The following INSR variants were observed in gnomAD, a reference collection of about 807,000 sequenced individuals.
INSR encodes insulin receptor.
A neutral mutation model predicts 142.6 loss-of-function variants in INSR; 67 were observed. That is an observed-to-expected ratio of 0.47 (90% confidence interval 0.39 to 0.58). The LOEUF is 0.58. INSR is among the 20% of genes least tolerant of loss of function. INSR has a pLI of 0.00. For missense variants in INSR, 1,248 were observed against 1,833.2 expected, an observed-to-expected ratio of 0.68 and a Z score of 5.83; for synonymous variants, 756 against 743.1, an observed-to-expected ratio of 1.02 and a Z score of -0.28.
intron 2 of INSR, among the ~76,000 whole-genome samples, chr19:7,218,992 G>C (rs558507229): frequency 1.3e-5 from 2 of 152,354 alleles, no homozygotes; most frequent in South Asian, 4.1e-4. Flanking sequence ...TCCCATGTCA[G>C]AGAAGTAGGT....
chr19:7,156,965 G>T (rs2144911002), intron 9 of INSR, among the ~76,000 whole-genome samples: 1 of 125,352 alleles, frequency 8.0e-6, no homozygotes, highest in South Asian at 3.0e-4. Flanking sequence ...CTAATTTTTT[G>T]TTTGTTTGTT....
At chr19:7,164,190 G>A (rs1973835449) in intron 8 of INSR, among the ~76,000 whole-genome samples, 1 of 147,178 alleles carries the variant, frequency 6.8e-6, no homozygotes, top group Non-Finnish European at 1.5e-5. Flanking sequence ...ATAATTCTTT[G>A]TCATGAAGGA....
At chr19:7,130,704 A>G (rs569070913) in intron 14 of INSR, among the ~76,000 whole-genome samples, 1 of 152,284 alleles carries the variant, frequency 6.6e-6, no homozygotes, top group East Asian at 1.9e-4. Flanking sequence ...TACTGCCTGC[A>G]GAACTGGGAG....
intron 13 of INSR, among the ~76,000 whole-genome samples, chr19:7,139,985 G>A (rs1188480498): frequency 6.6e-6 from 1 of 151,982 alleles, no homozygotes; most frequent in Non-Finnish European, 1.5e-5. Context: ...CCACCATTAC[G>A]TCCAGCTAAT....
intron 2 of INSR, among the ~76,000 whole-genome samples, chr19:7,232,004 C>T (rs904756232): frequency 6.6e-6 from 1 of 152,044 alleles, no homozygotes; most frequent in Non-Finnish European, 1.5e-5. Context: ...TCTCTACCCG[C>T]TTCTTCAATA....
At chr19:7,281,990 A>C (rs1300189139) in intron 1 of INSR, among the ~76,000 whole-genome samples, 1 of 152,212 alleles carries the variant, frequency 6.6e-6, no homozygotes, top group Non-Finnish European at 1.5e-5. Flanking sequence ...TTTGAACTCC[A>C]ACAGGAGCTT....
At chr19:7,228,972 T>C (rs539922499) in intron 2 of INSR, among the ~76,000 whole-genome samples, 27 of 105,298 alleles carry the variant, frequency 2.6e-4, no homozygotes, top group African/African-American at 9.4e-4. Context: ...GTTGGCAGAG[T>C]AGACAGAAGG....
At chr19:7,248,353 G>A (rs1449068312) in intron 2 of INSR, among the ~76,000 whole-genome samples, 1 of 148,064 alleles carries the variant, frequency 6.8e-6, no homozygotes, top group Non-Finnish European at 1.5e-5. Flanking sequence ...AGGCACGGTG[G>A]TTCATGCCTG....
chr19:7,287,565 A>C (rs1968376255), intron 1 of INSR, among the ~76,000 whole-genome samples: 1 of 152,200 alleles, frequency 6.6e-6, no homozygotes, highest in South Asian at 2.1e-4. Context: ...TACAGGGTTG[A>C]GAGCATGAAA....
At chr19:7,286,717 T>G (rs565584002) in intron 1 of INSR, among the ~76,000 whole-genome samples, 1 of 127,898 alleles carries the variant, frequency 7.8e-6, no homozygotes, top group Non-Finnish European at 1.7e-5. Context: ...GACTTCTGTG[T>G]TTTTTTTTTC....
chr19:7,282,641 C>A (rs1018147544), intron 1 of INSR, among the ~76,000 whole-genome samples: 1 of 151,610 alleles, frequency 6.6e-6, no homozygotes, highest in Non-Finnish European at 1.5e-5. Flanking sequence ...GAGATCGTGA[C>A]ACTGCATTCC....
intron 2 of INSR, among the ~76,000 whole-genome samples, chr19:7,205,564 A>G (rs549967184): frequency 6.6e-6 from 1 of 152,196 alleles, no homozygotes; most frequent in East Asian, 1.9e-4. Flanking sequence ...GAGAAATTCT[A>G]CATTGTCCAA....
At chr19:7,190,369 G>GTTTTTTTTTTTTTTTTTT in intron 2 of INSR, among the ~76,000 whole-genome samples, 1 of 102,714 alleles carries the variant, frequency 9.7e-6, no homozygotes, top group Non-Finnish European at 2.0e-5. Context: ...TTCTTTGGTG[G>GTTTTTTTTTTTTTTTTTT]TTTTTTTTTT....
At position 7,123,020 on chromosome 19, in the gene INSR, G is replaced by A. The variant is rs148813626; in HGVS notation, c.3259-31C>T. ...GAGCAAGCAACCAGGGTTCTTGGAGGAGGGTCCGTGATTCGACTCACCAGG... is the reference window on the plus strand; with the variant it reads ...GAGCAAGCAACCAGGGTTCTTGGAGAAGGGTCCGTGATTCGACTCACCAGG... On this transcript the variant is annotated intron_variant, in intron 17 of 21. Coordinates refer to ENST00000302850, the MANE Select transcript of INSR (RefSeq NM_000208.4). 0.01 allele frequency: 15,661 copies of A among 1,505,964 alleles called. 122 individuals carry two copies. The highest frequency in any genetic ancestry group is 0.029 in the Middle Eastern group (122 of 4,276). The allele number at this position is 1,505,964 out of a possible 1,614,324, so 93.3% of individuals were successfully genotyped here.
Position 7,213,161 on chromosome 19 carries a change from C to T in INSR, c.653-28524G>A, listed in dbSNP as rs533165398. 1.1e-3 allele frequency among the ~76,000 whole-genome samples: 163 copies of T among 151,820 alleles called. 2 individuals carry two copies. Among genetic ancestry groups the T allele is most frequent in the African/African-American group, 2.7e-3 (110 of 41,444 alleles). On this transcript the variant is annotated intron_variant, in intron 2 of 21. Transcript: ENST00000302850. Reference sequence around the variant, plus strand: ...GAGATCGAGACCATCCTGGCTAACACGGTGAAACCCTGTCTCTACTAAAAA... The same window carrying T: ...GAGATCGAGACCATCCTGGCTAACATGGTGAAACCCTGTCTCTACTAAAAA...
In INSR at chr19:7,156,714, TGAA is replaced by T. The variant is rs976298133; in HGVS notation, c.2030-3790_2030-3788del. 9.6e-4 allele frequency among the ~76,000 whole-genome samples: 143 copies of T among 149,590 alleles called. 1 individual carries two copies. Among genetic ancestry groups the T allele is most frequent in the African/African-American group, 3.1e-3 (126 of 40,750 alleles). On this transcript the variant is annotated intron_variant, in intron 9 of 21. Coordinates refer to ENST00000302850, the MANE Select transcript of INSR (RefSeq NM_000208.4). ...AAAAGGGAATTTAAAAATTAATAAA[TGAA>T]GAAGAACACCAGTAGCTTATAAAGG...
At position 7,119,625 on chromosome 19, in the gene INSR, GACAC is replaced by G. The variant is rs367614576; in HGVS notation, c.3660-46_3660-43del. 1.6e-4 allele frequency: 252 copies of G among 1,593,408 alleles called. No individual in the cohort carries two copies. Among genetic ancestry groups the G allele is most frequent in the South Asian group, 3.0e-4 (27 of 90,232 alleles). ...ATAGTAGTAACAAAGAAGCCATTTA[GACAC>G]ACACACACACGCGCGCGCGCAAACA... On this transcript the variant is annotated intron_variant, in intron 20 of 21. Transcript: ENST00000302850. This position sits in a 1 kb window ranked among gnomAD's most constrained non-coding sequence, Gnocchi z 5.2.
intron 2 of INSR, among the ~76,000 whole-genome samples, chr19:7,191,062 C>CAAG (rs1974570416): frequency 6.6e-6 from 1 of 151,722 alleles, no homozygotes; most frequent in Non-Finnish European, 1.5e-5. Flanking sequence ...TTTGGGAGGC[C>CAAG]GTGGCAGGTG....
At chr19:7,171,460 G>A (rs1345904927) in intron 5 of INSR, among the ~76,000 whole-genome samples, 1 of 152,044 alleles carries the variant, frequency 6.6e-6, no homozygotes, top group Non-Finnish European at 1.5e-5. Flanking sequence ...AAAGAATCTG[G>A]GTCTTCCACA....
Sources: allele counts gnomAD v4.1 joint callset (sites outside exome capture counted in the v4.1 genomes callset), GRCh38; gene constraint gnomAD v4.1.1; non-coding constraint Gnocchi (gnomAD v3.1); transcripts MANE v1.5; gene names NCBI Gene and HGNC (gene_info 2026-07-23, HGNC 2026-07-21).